The following PALS2 variants were observed in gnomAD, a reference collection of about 807,000 sequenced individuals.
PALS2 encodes the protein protein PALS2.
PALS2 carries 27 observed loss-of-function variants against 61.6 expected under a neutral mutation model. That is an observed-to-expected ratio of 0.44 (90% confidence interval 0.32 to 0.60). PALS2 has a LOEUF of 0.60. Ranked by LOEUF, PALS2 falls within the 20% of genes least tolerant of loss-of-function variation. The pLI is 0.05. For synonymous variants in PALS2, 236 were observed against 218.6 expected, an observed-to-expected ratio of 1.08 and a Z score of -0.70; for missense variants, 554 against 639.4, an observed-to-expected ratio of 0.87 and a Z score of 1.44.
At chr7:24,612,808 A>G (rs576996618) in intron 1 of PALS2, among the ~76,000 whole-genome samples, 5 of 151,986 alleles carry the variant, frequency 3.3e-5, no homozygotes, top group African/African-American at 1.2e-4. Context: ...TTAAAATGCT[A>G]TGTCTTACTA....
At chr7:24,668,896 G>C (rs569848223) in intron 9 of PALS2, among the ~76,000 whole-genome samples, 1 of 152,184 alleles carries the variant, frequency 6.6e-6, no homozygotes, top group East Asian at 1.9e-4. Context: ...AAACTATTCA[G>C]TTCAGAAATG....
At position 24,665,610 on chromosome 7, in the gene PALS2, GA is replaced by G; in HGVS notation, c.808del (p.Ser270AlafsTer32). On this transcript the variant is annotated frameshift_variant, in exon 7 of 12. Transcript: ENST00000222644. LOFTEE classifies it high-confidence loss of function. Reference sequence around the variant, plus strand: ...TAGGCTAGCCATGTAAAAGAGGGAGGAAGCGCTGGTCTCATTCCAAGCCAGT... The same window carrying G: ...TAGGCTAGCCATGTAAAAGAGGGAGGAGCGCTGGTCTCATTCCAAGCCAGT... ...WWQASHVKEG[G>X]SAGLIPSQFL... 1 of 1,613,496 alleles carries G rather than the reference GA, an allele frequency of 6.2e-7. No homozygotes were observed. The highest frequency in any genetic ancestry group is 8.5e-7 in the Non-Finnish European group (1 of 1,179,590).
intron 1 of PALS2, among the ~76,000 whole-genome samples, chr7:24,594,966 A>C (rs1783443386): frequency 1.3e-5 from 2 of 152,144 alleles, no homozygotes; most frequent in African/African-American, 2.4e-5. Flanking sequence ...AGACTTGATC[A>C]ATGTGGGGTT....
Position 24,665,616 on chromosome 7 carries a change from C to T in PALS2, c.812C>T (p.Ala271Val), listed in dbSNP as rs910905758. Residue 271 changes from alanine to valine, a missense_variant, in exon 7 of 12, where the codon GCT becomes GTT. By Grantham distance (64) the Ala-to-Val change is moderately conservative (BLOSUM62 0). Transcript: ENST00000222644. Reference sequence around the variant, plus strand: ...AGCCATGTAAAAGAGGGAGGAAGCGCTGGTCTCATTCCAAGCCAGTTCCTG... The same window carrying T: ...AGCCATGTAAAAGAGGGAGGAAGCGTTGGTCTCATTCCAAGCCAGTTCCTG... ...QASHVKEGGS[A>V]GLIPSQFLEE... 3 of 1,613,710 alleles carry T rather than the reference C, an allele frequency of 1.9e-6. No homozygotes were observed. The highest frequency in any genetic ancestry group is 2.5e-6 in the Non-Finnish European group (3 of 1,179,696).
chr7:24,590,782 C>T (rs62449807), intron 1 of PALS2, among the ~76,000 whole-genome samples: 1 of 151,608 alleles, frequency 6.6e-6, no homozygotes, highest in East Asian at 1.9e-4. Flanking sequence ...GTCATAACTT[C>T]AGTACCTACT....
intron 11 of PALS2, among the ~76,000 whole-genome samples, chr7:24,683,626 A>G (rs1030174032): frequency 5.9e-5 from 9 of 152,222 alleles, no homozygotes; most frequent in Non-Finnish European, 1.3e-4. Flanking sequence ...TAGGCCAGGA[A>G]TCAGCCATTT....
intron 2 of PALS2, among the ~76,000 whole-genome samples, chr7:24,637,257 A>G (rs1785281065): frequency 6.8e-6 from 1 of 146,908 alleles, no homozygotes; most frequent in Non-Finnish European, 1.5e-5. Context: ...TTCTTTACTC[A>G]CTAGAGAATT....
At chr7:24,639,731 T>G (rs183044123) in intron 2 of PALS2, among the ~76,000 whole-genome samples, 5 of 151,952 alleles carry the variant, frequency 3.3e-5, no homozygotes, top group African/African-American at 9.6e-5. Flanking sequence ...GTCCTCATCT[T>G]CTCATCCTTA....
chr7:24,639,378 G>C (rs1052954201), intron 2 of PALS2, among the ~76,000 whole-genome samples: 1 of 149,706 alleles, frequency 6.7e-6, no homozygotes, highest in African/African-American at 2.5e-5. Context: ...TCCATAGTGT[G>C]AGTATAATAT....
At chr7:24,665,900 CT>C in intron 7 of PALS2, 120 bp from the exon 8 acceptor site, 1 of 1,071,742 alleles carries the variant, frequency 9.3e-7, no homozygotes. Flanking sequence ...CCTCCACCCT[CT>C]TTTGCTTCCT....
chr7:24,622,654 C>T (rs1463918665), intron 1 of PALS2, among the ~76,000 whole-genome samples: 1 of 149,090 alleles, frequency 6.7e-6, no homozygotes, highest in African/African-American at 2.5e-5. Context: ...GCTTTCTAGT[C>T]TGGATGCCTT....
intron 2 of PALS2, among the ~76,000 whole-genome samples, chr7:24,626,474 A>ACT (rs10657491): frequency 0.063 from 9,611 of 152,142 alleles, 349 homozygotes; most frequent in African/African-American, 0.093. Context: ...TTAATAATCA[A>ACT]AATGGGCAAA....
At chr7:24,591,370 G>A (rs1562601832) in intron 1 of PALS2, among the ~76,000 whole-genome samples, 1 of 152,138 alleles carries the variant, frequency 6.6e-6, no homozygotes, top group Non-Finnish European at 1.5e-5. Flanking sequence ...ACTGAGATAG[G>A]GGGCAGTGTG....
intron 2 of PALS2, among the ~76,000 whole-genome samples, chr7:24,637,174 C>T (rs1462115375): frequency 1.3e-5 from 2 of 151,956 alleles, no homozygotes; most frequent in Admixed American, 6.6e-5. Flanking sequence ...TTAGAAGTTT[C>T]CTGAGTACCT....
intron 3 of PALS2, among the ~76,000 whole-genome samples, chr7:24,649,089 T>C (rs1005242539): frequency 6.6e-6 from 1 of 152,184 alleles, no homozygotes; most frequent in African/African-American, 2.4e-5. Context: ...TATAAAATTT[T>C]TTGTCACTGA....
intron 5 of PALS2, among the ~76,000 whole-genome samples, chr7:24,653,709 A>G (rs1014767580): frequency 2.0e-5 from 3 of 152,234 alleles, no homozygotes; most frequent in African/African-American, 4.8e-5. Flanking sequence ...TTTTCCTGAA[A>G]GAAAGTAGAA....
chr7:24,595,527 TA>T (rs1358530136), intron 1 of PALS2, among the ~76,000 whole-genome samples: 1 of 131,168 alleles, frequency 7.6e-6, no homozygotes, highest in Non-Finnish European at 1.6e-5. Context: ...ATATATATAA[TA>T]TATAATATAT....
intron 2 of PALS2, among the ~76,000 whole-genome samples, chr7:24,637,625 A>G (rs1353901975): frequency 2.0e-5 from 3 of 152,178 alleles, no homozygotes; most frequent in Non-Finnish European, 4.4e-5. Context: ...TTTTAGAAAG[A>G]CCAGGTTTCT....
chr7:24,660,993 T>G (rs943226512), intron 5 of PALS2, among the ~76,000 whole-genome samples: 1 of 152,236 alleles, frequency 6.6e-6, no homozygotes, highest in Non-Finnish European at 1.5e-5. Context: ...TTAAAAGCCA[T>G]TTGTACTTCC....
Sources: allele counts gnomAD v4.1 joint callset (sites outside exome capture counted in the v4.1 genomes callset), GRCh38; gene constraint gnomAD v4.1.1; transcripts MANE v1.5; gene names NCBI Gene and HGNC (gene_info 2026-07-23, HGNC 2026-07-21).